The following ANGEL1 variants were observed in gnomAD, a reference collection of about 807,000 sequenced individuals.
ANGEL1 encodes angel homolog 1.
ANGEL1 carries 62 observed loss-of-function variants against 76.4 expected under a neutral mutation model. The observed-to-expected ratio is 0.81, with a 90% CI of 0.66 to 1.00. The LOEUF (loss-of-function observed/expected upper bound fraction) is 1.00. ANGEL1 is among the 50% of genes least tolerant of loss of function. ANGEL1 has a pLI of 0.00. For missense variants in ANGEL1, 737 were observed against 836.7 expected (o/e 0.88, Z 1.47); for synonymous variants, 340 against 331.7 (o/e 1.03, Z -0.27).
Position 76,808,091 on chromosome 14 carries a change from T to C in ANGEL1, c.707A>G (p.Lys236Arg). 1 of 1,613,964 alleles carries C rather than the reference T, an allele frequency of 6.2e-7. No homozygotes were observed. Among genetic ancestry groups the C allele is most frequent in the Non-Finnish European group, 8.5e-7 (1 of 1,180,034 alleles). Residue 236 changes from lysine (K) to arginine (R), a missense_variant, in exon 3 of 10, where the codon AAG (lysine) becomes AGG (arginine). Around this residue, in one of 2 missense-constraint regions of ANGEL1, gnomAD observed 441 missense variants for 449.5 expected, o/e 0.98. Transcript: ENST00000251089. ...CTGGAACTGAGGGCCATCTCCTGCC[T>C]TCAGGCCCTGAGCATCTGGCTGGGT... ...FSTQPDAQGL[K>R]AGDGPQFQFT... is the part of the protein sequence containing the mutation.
chr14:76,808,876 T>G (rs1894999968), intron 2 of ANGEL1, among the ~76,000 whole-genome samples, 183 bp downstream of exon 2: 1 of 152,168 alleles, frequency 6.6e-6, no homozygotes, highest in African/African-American at 2.4e-5. Context: ...ATTTCACCTT[T>G]AAAACCATGG....
chr14:76,789,700 T>A lies in ANGEL1; in HGVS notation c.1853-312A>T, dbSNP rs542850702. Among the ~76,000 whole-genome samples, 4 of 151,670 alleles carry A rather than the reference T, an allele frequency of 2.6e-5. No homozygotes were observed. The South Asian group carries it at 6.3e-4, about 24-fold the overall frequency. ...CTTTTCTATATAAAATCTGATTTTT[T>A]TTTTTTTTTTTTTAGATGGAGTCTT... is the stretch of plus-strand genomic sequence containing the variant. On this transcript the variant is annotated intron_variant, in intron 9 of 9. Transcript: ENST00000251089.
rs1394000253 is a variant in ANGEL1 at position 76,804,233 on chromosome 14, A to G, written c.1381-321T>C. 4.1e-5 allele frequency: 57 copies of G among 1,390,206 alleles called. 1 individual carries two copies. The highest frequency in any genetic ancestry group is 1.9e-6 in the Non-Finnish European group (2 of 1,078,454). The allele number at this position is 1,390,206 out of a possible 1,614,324, so 86.1% of individuals were successfully genotyped here. A position where few individuals can be genotyped will look rare whatever the true frequency, so the allele number is the denominator to read the frequency against. ...AATACAATTCTCCTCCACAGGGAAT[A>G]TCAACTCTCAGGGGCTTTAAGTTGC... On this transcript the variant is annotated intron_variant, in intron 5 of 9. Transcript: ENST00000251089.
chr14:76,811,994 CA>C (rs1273476613), intron 1 of ANGEL1, among the ~76,000 whole-genome samples: 1 of 152,192 alleles, frequency 6.6e-6, no homozygotes, highest in Non-Finnish European at 1.5e-5. Flanking sequence ...AAATTAAAGG[CA>C]AAAAGTCTGC....
At chr14:76,792,280 GA>G (rs1894428811) in intron 7 of ANGEL1, among the ~76,000 whole-genome samples, 1 of 151,926 alleles carries the variant, frequency 6.6e-6, no homozygotes, top group African/African-American at 2.4e-5. Context: ...ATCCCACAAA[GA>G]AAACACCAGG....
chr14:76,806,619 T>C lies in ANGEL1; in HGVS notation c.1177A>G (p.Ile393Val), dbSNP rs1316636266. 2 of 1,613,924 alleles carry C rather than the reference T, an allele frequency of 1.2e-6. No homozygotes were observed. Among genetic ancestry groups the C allele is most frequent in the Non-Finnish European group, 1.7e-6 (2 of 1,180,014 alleles). The change falls in exon 5 of 10, where the codon ATC becomes GTC. Residue 393 changes from isoleucine to valine, a missense_variant. Around this residue, in one of 2 missense-constraint regions of ANGEL1, gnomAD observed 296 missense variants for 387.2 expected, o/e 0.76. Coordinates refer to ENST00000251089, the MANE Select transcript of ANGEL1 (RefSeq NM_015305.4). ...TCGCCCCGGCGTGGGTTGTAAAGGA[T>C]ATGGGTATTTGCCACACACAGCGGG... is the stretch of plus-strand genomic sequence containing the variant. ...VAPLCVANTH[I>V]LYNPRRGDVK...
chr14:76,799,017 G>A (rs1303308485), intron 7 of ANGEL1, among the ~76,000 whole-genome samples: 1 of 151,184 alleles, frequency 6.6e-6, no homozygotes, highest in African/African-American at 2.4e-5. Context: ...TATACACATT[G>A]GATGGCACAG....
Position 76,809,243 on chromosome 14 carries a change from C to G in ANGEL1, c.465G>C (p.Glu155Asp), listed in dbSNP as rs775404346. Residue 155 changes from glutamate (E) to aspartate (D), a missense_variant, in exon 2 of 10, where the codon GAG becomes GAC. This residue lies in a region of ANGEL1 where 441 missense variants were observed against 449.5 expected (regional missense o/e 0.98). Coordinates refer to ENST00000251089, the MANE Select transcript of ANGEL1 (RefSeq NM_015305.4). ...GGGCAGCACAGTCTGCATACTGGGG[C>G]TCCGACTGCATGGGGATAGCTGCCC... ...SMWAAIPMQS[E>D]PQYADCAALP... The G allele has an allele frequency of 2.5e-6, 4 of 1,613,112 alleles. No homozygotes were observed. Among genetic ancestry groups the G allele is most frequent in the South Asian group, 1.1e-5 (1 of 90,944 alleles).
chr14:76,805,630 GT>G (rs1466534169), intron 5 of ANGEL1, among the ~76,000 whole-genome samples: 1 of 152,114 alleles, frequency 6.6e-6, no homozygotes, highest in African/African-American at 2.4e-5. Context: ...ACACTCAACA[GT>G]TAGAAGGAAT....
At chr14:76,797,192 T>C (rs1476960842) in intron 7 of ANGEL1, among the ~76,000 whole-genome samples, 1 of 152,208 alleles carries the variant, frequency 6.6e-6, no homozygotes, top group African/African-American at 2.4e-5. Flanking sequence ...TCCTCAGTTG[T>C]ATCACACAAC....
intron 2 of ANGEL1, 28 bp downstream of exon 2, chr14:76,809,031 G>A: frequency 1.1e-5 from 18 of 1,579,396 alleles, no homozygotes; most frequent in Non-Finnish European, 1.6e-5. Context: ...CTGTTCCCTT[G>A]GCTCACTCAA....
At chr14:76,804,005 CAT>C in intron 5 of ANGEL1, 93 bp from the exon 6 acceptor site, 1 of 1,612,330 alleles carries the variant, frequency 6.2e-7, no homozygotes, top group Non-Finnish European at 8.5e-7. Flanking sequence ...AATACAAACA[CAT>C]ACAATCACAC....
intron 5 of ANGEL1, 125 bp from the exon 6 acceptor site, chr14:76,804,037 C>A (rs778599763): frequency 3.1e-6 from 5 of 1,590,752 alleles, no homozygotes; most frequent in Non-Finnish European, 4.3e-6. Context: ...ATGGTATAAA[C>A]AAGCATATAA....
chr14:76,808,009 C>A lies in ANGEL1; in HGVS notation c.789G>T (p.Glu263Asp). The A allele has an allele frequency of 6.2e-7, 1 of 1,614,150 alleles. No homozygotes were observed. Among genetic ancestry groups the A allele is most frequent in the Non-Finnish European group, 8.5e-7 (1 of 1,180,026 alleles). ...LAQDLMQQSSELYLHCHPDIL... is the reference protein window; with the variant it reads ...LAQDLMQQSSDLYLHCHPDIL... ...TGTCTGGATGGCAATGTAGATAGAG[C>A]TCTGAGCTCTGCTGCATCAGGTCCT... Residue 263 changes from glutamate to aspartate, a missense_variant, in exon 3 of 10, where the codon GAG becomes GAT. Physicochemically the swap from Glu to Asp is conservative, Grantham distance 45. Around this residue, in one of 2 missense-constraint regions of ANGEL1, gnomAD observed 441 missense variants for 449.5 expected, o/e 0.98. Coordinates refer to ENST00000251089, the MANE Select transcript of ANGEL1 (RefSeq NM_015305.4).
In ANGEL1 at chr14:76,788,308, T is replaced by C. The variant is rs1330468137; in HGVS notation, c.*920A>G. The C allele has an allele frequency of 6.6e-6, 1 of 151,826 alleles. No homozygotes were observed. The highest frequency in any genetic ancestry group is 1.5e-5 in the Non-Finnish European group (1 of 67,992). The allele number at this position is 151,826 out of a possible 1,614,324, so 9.4% of individuals were successfully genotyped here. ...GCTGCAGAGTCCAGTGAAACAAGAG[T>C]TTCCTGAAGACTCTTTCTCCTCCTA... is the stretch of plus-strand genomic sequence containing the variant. On this transcript the variant is annotated 3_prime_UTR_variant, in exon 10 of 10. Coordinates refer to ENST00000251089, the MANE Select transcript of ANGEL1 (RefSeq NM_015305.4).
chr14:76,790,679 A>G lies in ANGEL1; in HGVS notation c.1784T>C (p.Leu595Ser). 1 of 1,614,190 alleles carries G rather than the reference A, an allele frequency of 6.2e-7. No individual in the cohort carries two copies. Residue 595 changes from leucine (L) to serine (S), a missense_variant, in exon 9 of 10, where the codon TTG becomes TCG. This residue lies in a region of ANGEL1 where 296 missense variants were observed against 387.2 expected (regional missense o/e 0.76). Coordinates refer to ENST00000251089, the MANE Select transcript of ANGEL1 (RefSeq NM_015305.4). ...GTAATCTACTGTCATTCCAAGACCC[A>G]ATGGCATTGTAGTGACCTCTGGGCG... The part of the protein sequence containing the change: ...RGRPEVTTMP[L>S]GLGMTVDYIF...
Position 76,809,325 on chromosome 14 carries a change from G to A in ANGEL1, c.383C>T (p.Pro128Leu). ...RAAENLDEPF[P>L]EMLGEEPLLE... ...CAGTGGCTCCTCTCCTAGCATCTCA[G>A]GGAAAGGCTCATCCAGGTTCTCTGC... The change falls in exon 2 of 10, where the codon CCT (proline) becomes CTT (leucine). Residue 128 changes from proline (P) to leucine (L), a missense_variant. By Grantham distance (98) the Pro-to-Leu change is moderately conservative. Transcript: ENST00000251089. The A allele has an allele frequency of 6.2e-7, 1 of 1,614,238 alleles. No homozygotes were observed. Among genetic ancestry groups the A allele is most frequent in the Non-Finnish European group, 8.5e-7 (1 of 1,180,036 alleles).
chr14:76,804,766 T>C (rs897665658), intron 5 of ANGEL1, among the ~76,000 whole-genome samples: 1 of 152,212 alleles, frequency 6.6e-6, no homozygotes, highest in Non-Finnish European at 1.5e-5. Context: ...TCCTAGCACT[T>C]TGGGAGGCTG....
At chr14:76,791,474 A>C in intron 7 of ANGEL1, 108 bp from the exon 8 acceptor site, 2 of 950,130 alleles carry the variant, frequency 2.1e-6, no homozygotes, top group Non-Finnish European at 3.2e-6. Context: ...ATTGCTTCAG[A>C]AGGATCCAGA....
Sources: allele counts gnomAD v4.1 joint callset (sites outside exome capture counted in the v4.1 genomes callset), GRCh38; gene constraint gnomAD v4.1.1; regional missense constraint gnomAD v4.1.1; transcripts MANE v1.5; gene names NCBI Gene and HGNC (gene_info 2026-07-23, HGNC 2026-07-21).